The following SLC43A2 variants were observed in gnomAD, a reference collection of about 807,000 sequenced individuals.
SLC43A2 encodes the protein solute carrier family 43 member 2.
SLC43A2 carries 38 observed loss-of-function variants against 63.2 expected under a neutral mutation model. That is an observed-to-expected ratio of 0.60 (90% CI 0.46 to 0.79). SLC43A2 has a LOEUF of 0.79. Ranked by LOEUF, SLC43A2 falls within the 30% of genes least tolerant of loss-of-function variation. The probability of loss-of-function intolerance (pLI) is 0.00; values close to 1 mark genes in which losing one functional copy is unlikely to be tolerated. For synonymous variants in SLC43A2, 322 were observed against 331.0 expected, an observed-to-expected ratio of 0.97 and a Z score of 0.30; for missense variants, 644 against 756.2, an observed-to-expected ratio of 0.85 and a Z score of 1.74.
chr17:1,578,108 TG>T lies in SLC43A2; in HGVS notation c.1424+141del. 2.6e-6 allele frequency: 2 copies of T among 780,264 alleles called. No homozygotes were observed. Among genetic ancestry groups the T allele is most frequent in the Non-Finnish European group, 2.0e-6 (1 of 487,896 alleles). The allele number at this position is 780,264 out of a possible 1,614,324, so 48.3% of individuals were successfully genotyped here. A position where few individuals can be genotyped will look rare whatever the true frequency, so the allele number is the denominator to read the frequency against. On this transcript the variant is annotated intron_variant, in intron 12 of 13. Coordinates refer to ENST00000301335, the MANE Select transcript of SLC43A2 (RefSeq NM_152346.3). The surrounding 1 kb of genome is among the most constrained non-coding windows in gnomAD (Gnocchi z 6.5). ...TCCCTGAAACACCCAGCAGAAACCC[TG>T]GTACCTGTCCCCTGAAGCAGGAAGA...
chr17:1,625,571 C>T (rs1908587142), intron 2 of SLC43A2, among the ~76,000 whole-genome samples: 1 of 152,166 alleles, frequency 6.6e-6, no homozygotes, highest in African/African-American at 2.4e-5. Flanking sequence ...CTAACTTCGC[C>T]AGGCACTCCC....
intron 5 of SLC43A2, among the ~76,000 whole-genome samples, chr17:1,602,909 C>G (rs528674548): frequency 2.8e-4 from 42 of 151,786 alleles, no homozygotes; most frequent in African/African-American, 9.9e-4. Flanking sequence ...CAGGCACCCG[C>G]CACCACACCC....
Position 1,583,784 on chromosome 17 carries a change from A to C in SLC43A2, c.1218-448T>G. 1 of 170,422 alleles carries C rather than the reference A, an allele frequency of 5.9e-6. No homozygotes were observed. Among genetic ancestry groups the C allele is most frequent in the Admixed American group, 5.7e-5 (1 of 17,486 alleles). The allele number at this position is 170,422 out of a possible 1,614,324, so 10.6% of individuals were successfully genotyped here. A position where few individuals can be genotyped will look rare whatever the true frequency, so the allele number is the denominator to read the frequency against. On this transcript the variant is annotated intron_variant, in intron 10 of 13. Transcript: ENST00000301335. The surrounding 1 kb of genome is among the most constrained non-coding windows in gnomAD (Gnocchi z 5.5). ...GTGGGGACAGGAGAGGGTAAAGGGG[A>C]AATGAGCAGGCAGCAGATGGAACTG...
intron 13 of SLC43A2, among the ~76,000 whole-genome samples, chr17:1,576,265 G>A (rs1362677824): frequency 6.6e-6 from 1 of 151,924 alleles, no homozygotes; most frequent in Non-Finnish European, 1.5e-5. Context: ...TGTATTTTTA[G>A]TAGAGACCTG....
chr17:1,625,319 T>C (rs1197496304), intron 2 of SLC43A2, among the ~76,000 whole-genome samples: 1 of 152,202 alleles, frequency 6.6e-6, no homozygotes, highest in East Asian at 1.9e-4. Flanking sequence ...AGATTCTGGC[T>C]GGAGTCGTAA....
In SLC43A2 at chr17:1,627,773, G is replaced by T. The variant is rs1285424768; in HGVS notation, c.102C>A (p.Gly34=). 1 of 1,598,544 alleles carries T rather than the reference G, an allele frequency of 6.3e-7. No homozygotes were observed. The highest frequency in any genetic ancestry group is 8.5e-7 in the Non-Finnish European group (1 of 1,172,848). ...CTGACTTGAGCATGATGAGCAGCGA[G>T]CCCCAGCCCAGGAGGACTGCCGAGA... is the stretch of plus-strand genomic sequence containing the variant. ...LLFSAVLLGW[G]SLLIMLKSEG... Residue 34 remains glycine (G), a synonymous_variant, in exon 2 of 14, where the codon GGC becomes GGA. Transcript: ENST00000301335.
At chr17:1,626,306 CG>C (rs1431615474) in intron 2 of SLC43A2, among the ~76,000 whole-genome samples, 1 of 151,472 alleles carries the variant, frequency 6.6e-6, no homozygotes, top group Non-Finnish European at 1.5e-5. Context: ...CTGTGCCTTT[CG>C]GGGACAGGCA....
In SLC43A2 at chr17:1,609,940, G is replaced by A. The variant is rs578218810; in HGVS notation, c.501+3255C>T. Among the ~76,000 whole-genome samples the A allele has an allele frequency of 5.3e-4, 80 of 151,058 alleles. No individual in the cohort carries two copies. In the South Asian group the frequency reaches 0.015, roughly 28 times the overall value. Reference sequence around the variant, plus strand: ...ATTTTTTTTTTTTAAACGGAGTTTCGCTCTTGTTGCCCAGGCTGGAATGCA... The same window carrying A: ...ATTTTTTTTTTTTAAACGGAGTTTCACTCTTGTTGCCCAGGCTGGAATGCA... On this transcript the variant is annotated intron_variant, in intron 5 of 13. Coordinates refer to ENST00000301335, the MANE Select transcript of SLC43A2 (RefSeq NM_152346.3).
chr17:1,620,460 G>A (rs1908048264), intron 2 of SLC43A2, among the ~76,000 whole-genome samples: 1 of 152,172 alleles, frequency 6.6e-6, no homozygotes, highest in Non-Finnish European at 1.5e-5. Flanking sequence ...TCAGGGTAGA[G>A]GCAAGGGTAT....
In SLC43A2 at chr17:1,591,621, A is replaced by G. The variant is rs1184657209; in HGVS notation, c.673T>C (p.Cys225Arg). ...AGCSGLVFLN[C>R]FFNWPLEPFP... is the part of the protein sequence containing the mutation. ...GGCTCAAGGGGCCAGTTAAAGAAGC[A>G]GTTGAGGAAAACCAGCCCGGAGCAG... is the stretch of plus-strand genomic sequence containing the variant. Residue 225 changes from cysteine to arginine, a missense_variant, in exon 7 of 14, where the codon TGC becomes CGC. By Grantham distance (180) the Cys-to-Arg change is radical. Coordinates refer to ENST00000301335, the MANE Select transcript of SLC43A2 (RefSeq NM_152346.3). 2 of 1,546,392 alleles carry G rather than the reference A, an allele frequency of 1.3e-6. No homozygotes were observed. Among genetic ancestry groups the G allele is most frequent in the Non-Finnish European group, 1.7e-6 (2 of 1,144,952 alleles).
rs199505881 is a variant in SLC43A2 at position 1,616,784 on chromosome 17, A to G, written c.161-15T>C. 19 of 1,612,914 alleles carry G rather than the reference A, an allele frequency of 1.2e-5. No homozygotes were observed. In the African/African-American group the frequency reaches 2.4e-4, roughly 20 times the overall value. On this transcript the variant is annotated splice_polypyrimidine_tract_variant and intron_variant, in intron 2 of 13. Coordinates refer to ENST00000301335, the MANE Select transcript of SLC43A2 (RefSeq NM_152346.3). ...GGTGACATTCTCTGTGTGAAGAGGGAAGGAAACCCTGACCTCAGGGTCATG... is the reference window on the plus strand; with the variant it reads ...GGTGACATTCTCTGTGTGAAGAGGGGAGGAAACCCTGACCTCAGGGTCATG...
Position 1,576,051 on chromosome 17 carries a change from G to A in SLC43A2, c.1549-286C>T, listed in dbSNP as rs954694096. Among the ~76,000 whole-genome samples the A allele has an allele frequency of 2.1e-4, 32 of 152,122 alleles. 1 individual carries two copies. The highest frequency in any genetic ancestry group is 6.8e-3 in the Middle Eastern group (2 of 294). The stretch of plus-strand genomic sequence containing the variant: ...TGAGGAAATCTGGCCCTCGGAGGTG[G>A]GGCGGGGACAGGAACTGTGTTCTTT... On this transcript the variant is annotated intron_variant, in intron 13 of 13. Transcript: ENST00000301335.
rs2075907030 is a variant in SLC43A2 at position 1,575,398 on chromosome 17, T to C, written c.*206A>G. 1 of 654,038 alleles carries C rather than the reference T, an allele frequency of 1.5e-6. No homozygotes were observed. The highest frequency in any genetic ancestry group is 1.8e-5 in the African/African-American group (1 of 54,096). 40.5% of individuals were successfully genotyped at this position (654,038 alleles called of 1,614,324 possible). ...GGCAGAGCAAAGTCAGGGCAGCCCC[T>C]GCGTTCGGCAGGAGAAAACGCGCGT... On this transcript the variant is annotated 3_prime_UTR_variant, in exon 14 of 14. Transcript: ENST00000301335.
intron 9 of SLC43A2, chr17:1,586,930 C>CCCCCCCCCCCCCCCCTCCCCCCCG: frequency 1.3e-6 from 1 of 783,186 alleles, no homozygotes; most frequent in South Asian, 1.5e-5. Flanking sequence ...CCTGACAATC[C>CCCCCCCCCCCCCCCCTCCCCCCCG]CCCCCACCCC....
intron 10 of SLC43A2, among the ~76,000 whole-genome samples, chr17:1,584,175 G>A (rs923065990): frequency 2.0e-5 from 3 of 152,094 alleles, no homozygotes; most frequent in South Asian, 2.1e-4. Context: ...TTACAGGTGT[G>A]AGCCACCGCG....
intron 5 of SLC43A2, among the ~76,000 whole-genome samples, chr17:1,603,677 C>T (rs1319294177): frequency 2.6e-5 from 4 of 152,006 alleles, no homozygotes; most frequent in Non-Finnish European, 5.9e-5. Flanking sequence ...CCCAGCTACT[C>T]GGCAGGCTGA....
Position 1,577,544 on chromosome 17 carries a change from C to A in SLC43A2, c.1424+706G>T, listed in dbSNP as rs1202489695. Among the ~76,000 whole-genome samples, 4 of 152,158 alleles carry A rather than the reference C, an allele frequency of 2.6e-5. No individual in the cohort carries two copies. Among genetic ancestry groups the A allele is most frequent in the Non-Finnish European group, 4.4e-5 (3 of 68,036 alleles). ...GCGGGAATTGGGAGAGAGTTCCGGG[C>A]TAAATCTTAGCACATGTCAGGCTCT... On this transcript the variant is annotated intron_variant, in intron 12 of 13. Transcript: ENST00000301335. The surrounding 1 kb of genome is among the most constrained non-coding windows in gnomAD (Gnocchi z 4.9).
intron 5 of SLC43A2, among the ~76,000 whole-genome samples, chr17:1,612,662 A>C (rs1227892404): frequency 6.6e-6 from 1 of 152,218 alleles, no homozygotes; most frequent in African/African-American, 2.4e-5. Context: ...CGCAGCATCA[A>C]AGCCCAGATC....
intron 9 of SLC43A2, chr17:1,586,928 T>TGGGGCGCCCCCCCCCC: frequency 8.1e-7 from 1 of 1,232,916 alleles, no homozygotes; most frequent in Non-Finnish European, 1.1e-6. Context: ...TCCCTGACAA[T>TGGGGCGCCCCCCCCCC]CCCCCCCACC....
Sources: gnomAD v4.1 joint callset for allele counts (sites outside exome capture counted in the v4.1 genomes callset) on GRCh38, gnomAD v4.1.1 for gene constraint, Gnocchi (gnomAD v3.1) non-coding constraint, MANE v1.5 for transcripts, NCBI Gene and HGNC (gene_info 2026-07-23, HGNC 2026-07-21) for gene names.